CTSC: variants seen among roughly 807,000 people sequenced by gnomAD.
CTSC encodes the protein dipeptidyl peptidase 1.
Under a neutral mutation model 40.9 loss-of-function variants are expected in CTSC, and 37 were observed. That is an observed-to-expected ratio of 0.91 (90% confidence interval 0.70 to 1.19). The LOEUF is 1.19. CTSC is among the 50% of genes most tolerant of loss of function. The pLI is 0.00. For synonymous variants in CTSC, 232 were observed against 207.4 expected (o/e 1.12, Z -1.02); for missense variants, 594 against 567.3 (o/e 1.05, Z -0.48).
At chr11:88,328,158 C>CA in intron 2 of CTSC, 1 of 1,613,774 alleles carries the variant, frequency 6.2e-7, no homozygotes. Flanking sequence ...CCACAGTTCC[C>CA]AGCTGCATGA....
At chr11:88,295,269 C>CA (rs2134764687) in intron 6 of CTSC, among the ~76,000 whole-genome samples, 1 of 152,258 alleles carries the variant, frequency 6.6e-6, no homozygotes, top group South Asian at 2.1e-4. Context: ...TCCTAGTGGC[C>CA]AAATCTGGGC....
intron 2 of CTSC, chr11:88,325,469 AC>A (rs1453308496): frequency 2.0e-6 from 2 of 985,392 alleles, no homozygotes; most frequent in East Asian, 2.3e-4. Flanking sequence ...GCCTCTAAAT[AC>A]CATTTACTTA....
rs779795168 is a variant in CTSC at position 88,294,326 on chromosome 11, C to T, written c.1072G>A (p.Ala358Thr). 3.1e-6 allele frequency: 5 copies of T among 1,614,160 alleles called. No individual in the cohort carries two copies. The East Asian group carries it at 1.1e-4, about 36-fold the overall frequency. ...VGGFYGGCNE[A>T]LMKLELVHHG... is the part of the protein sequence containing the mutation. ...TGGACCAACTCAAGCTTCATCAGGG[C>T]TTCATTGCAGCCTCCATAGAAACCT... The change falls in exon 7 of 7, where the codon GCC becomes ACC. Residue 358 changes from alanine to threonine, a missense_variant. Transcript: ENST00000227266.
In CTSC at chr11:88,294,482, T is replaced by C; in HGVS notation, c.916A>G (p.Ile306Val). ...QGCEGGFPYL[I>V]AGKYAQDFGL... ...AAATCTTGGGCGTACTTTCCTGCAATAAGGTATGGGAAGCCGCCTTCACAG... is the reference window on the plus strand; with the variant it reads ...AAATCTTGGGCGTACTTTCCTGCAACAAGGTATGGGAAGCCGCCTTCACAG... The change falls in exon 7 of 7, where the codon ATT becomes GTT. Residue 306 changes from isoleucine to valine, a missense_variant. Coordinates refer to ENST00000227266, the MANE Select transcript of CTSC (RefSeq NM_001814.6). 5 of 1,614,080 alleles carry C rather than the reference T, an allele frequency of 3.1e-6. No homozygotes were observed. Among genetic ancestry groups the C allele is most frequent in the Non-Finnish European group, 4.2e-6 (5 of 1,179,998 alleles).
Position 88,316,501 on chromosome 11 carries a change from A to AAATAAATAAATGAATGAATGAATG in CTSC, c.319-3948_319-3947insCATTCATTCATTCATTTATTTATT, listed in dbSNP as rs1211606419. Among the ~76,000 whole-genome samples the AAATAAATAAATGAATGAATGAATG allele has an allele frequency of 2.7e-3, 377 of 140,938 alleles. 3 individuals carry two copies. The highest frequency in any genetic ancestry group is 8.8e-3 in the African/African-American group (359 of 40,772). 92.5% of individuals were successfully genotyped at this position (140,938 alleles called of 152,430 possible). On this transcript the variant is annotated intron_variant, in intron 2 of 6. Transcript: ENST00000227266. ...TAAATAAATAAATAAATAAATAAAT[A>AAATAAATAAATGAATGAATGAATG]AATGAAGCAGGGATGATAATTACAG...
intron 4 of CTSC, among the ~76,000 whole-genome samples, chr11:88,304,968 C>T (rs899155515): frequency 1.3e-5 from 2 of 152,124 alleles, no homozygotes; most frequent in African/African-American, 4.8e-5. Flanking sequence ...CATGGTGGGT[C>T]ATGCCTGTAA....
intron 3 of CTSC, among the ~76,000 whole-genome samples, 190 bp downstream of exon 3, chr11:88,312,198 G>T (rs1231700632): frequency 6.6e-6 from 1 of 152,036 alleles, no homozygotes; most frequent in East Asian, 1.9e-4. Context: ...ATTACTTTTG[G>T]AACACTTTGA....
intron 2 of CTSC, chr11:88,326,235 G>A: frequency 2.0e-6 from 3 of 1,481,350 alleles, no homozygotes; most frequent in Non-Finnish European, 9.0e-7. Context: ...GAGTGTTCAG[G>A]AGGGCAGCTG....
intron 2 of CTSC, chr11:88,325,151 G>T (rs1938147174): frequency 8.1e-6 from 8 of 984,942 alleles, no homozygotes; most frequent in Non-Finnish European, 9.6e-6. Flanking sequence ...GAAAGAGCTA[G>T]AAGATAGCAA....
In CTSC at chr11:88,294,146, A is replaced by G. The variant is rs1944271965; in HGVS notation, c.1252T>C (p.Ser418Pro). The part of the protein sequence containing the change: ...LLVGYGTDSA[S>P]GMDYWIVKNS... ...TTAACAATCCAGTAATCCATCCCAG[A>G]GGCTGAGTCAGTGCCATAGCCCACA... The change falls in exon 7 of 7, where the codon TCT becomes CCT. Residue 418 changes from serine (S) to proline (P), a missense_variant. Ser to Pro is a moderately conservative substitution (Grantham distance 74). Coordinates refer to ENST00000227266, the MANE Select transcript of CTSC (RefSeq NM_001814.6). The G allele has an allele frequency of 6.2e-7, 1 of 1,613,912 alleles. No homozygotes were observed. Among genetic ancestry groups the G allele is most frequent in the East Asian group, 2.2e-5 (1 of 44,866 alleles).
At position 88,307,230 on chromosome 11, in the gene CTSC, T is replaced by C. The variant is rs185334611; in HGVS notation, c.641+1933A>G. 4.3e-3 allele frequency among the ~76,000 whole-genome samples: 657 copies of C among 152,296 alleles called. 7 individuals are homozygous for C. Among genetic ancestry groups the C allele is most frequent in the African/African-American group, 0.015 (636 of 41,544 alleles). Reference sequence around the variant, plus strand: ...ATTAAGGAAAAATAACCTACCTATATAATTTTTCAAATTCTGCTAGCTCCC... The same window carrying C: ...ATTAAGGAAAAATAACCTACCTATACAATTTTTCAAATTCTGCTAGCTCCC... On this transcript the variant is annotated intron_variant, in intron 4 of 6. Transcript: ENST00000227266.
chr11:88,301,835 C>CAGAG (rs57004268), intron 4 of CTSC, among the ~76,000 whole-genome samples: 73 of 150,588 alleles, frequency 4.8e-4, no homozygotes, highest in African/African-American at 1.5e-3. Flanking sequence ...CACACACACA[C>CAGAG]AGAGAGAGAA....
intron 2 of CTSC, among the ~76,000 whole-genome samples, chr11:88,319,046 T>C (rs1937939739): frequency 6.6e-6 from 1 of 152,204 alleles, no homozygotes; most frequent in South Asian, 2.1e-4. Context: ...AGTAAGTCCC[T>C]ATAAGATAGT....
chr11:88,299,898 T>A (rs1168735340), intron 5 of CTSC: 1 of 152,404 alleles, frequency 6.6e-6, no homozygotes, highest in Non-Finnish European at 1.5e-5. Flanking sequence ...TGAAATCAAC[T>A]CACATTGTAT....
chr11:88,323,333 G>T (rs535060186), intron 2 of CTSC: 1 of 152,148 alleles, frequency 6.6e-6, no homozygotes, highest in African/African-American at 2.4e-5. Context: ...GGCAAAAGCT[G>T]GAAGCATTCC....
At chr11:88,314,627 A>C (rs1937835818) in intron 2 of CTSC, among the ~76,000 whole-genome samples, 1 of 152,114 alleles carries the variant, frequency 6.6e-6, no homozygotes, top group Non-Finnish European at 1.5e-5. Context: ...TCCCAGGTTC[A>C]AGCGATTCTC....
At chr11:88,323,285 T>G (rs1286266591) in intron 2 of CTSC, 1 of 152,102 alleles carries the variant, frequency 6.6e-6, no homozygotes, top group Non-Finnish European at 1.5e-5. Flanking sequence ...TAATAAGAGC[T>G]TTTTATGAGA....
chr11:88,336,507 A>T (rs890513969), intron 1 of CTSC, among the ~76,000 whole-genome samples: 10 of 150,832 alleles, frequency 6.6e-5, no homozygotes, highest in African/African-American at 2.4e-4. Context: ...CCACTGAACT[A>T]CAGCCTGGGT....
chr11:88,336,175 A>G (rs1938486356), intron 1 of CTSC, among the ~76,000 whole-genome samples: 1 of 150,028 alleles, frequency 6.7e-6, no homozygotes, highest in South Asian at 2.2e-4. Context: ...GACATGGGAG[A>G]TTGCATGTGA....
Sources: gnomAD v4.1 joint callset for allele counts (sites outside exome capture counted in the v4.1 genomes callset) on GRCh38, gnomAD v4.1.1 for gene constraint, MANE v1.5 for transcripts, NCBI Gene and HGNC (gene_info 2026-07-23, HGNC 2026-07-21) for gene names.